Variants in MTREX observed in about 807,000 individuals in gnomAD.
MTREX encodes the protein exosome RNA helicase MTR4.
A neutral mutation model predicts 135.4 loss-of-function variants in MTREX; 76 were observed. The observed-to-expected ratio is 0.56, with a 90% confidence interval of 0.47 to 0.68. MTREX has a LOEUF of 0.68. MTREX is among the 30% of genes least tolerant of loss of function. MTREX has a pLI of 0.00. For synonymous variants in MTREX, 404 were observed against 401.6 expected, an observed-to-expected ratio of 1.01 and a Z score of -0.07; for missense variants, 920 against 1,262.1, an observed-to-expected ratio of 0.73 and a Z score of 4.11.
At chr5:55,408,224 C>A (rs1170399223) in intron 22 of MTREX, among the ~76,000 whole-genome samples, 2 of 152,198 alleles carry the variant, frequency 1.3e-5, no homozygotes, top group Non-Finnish European at 2.9e-5. Flanking sequence ...TCACCCCCAC[C>A]CCATATCCTG....
At chr5:55,361,032 G>T (rs1368837645) in intron 15 of MTREX, among the ~76,000 whole-genome samples, 1 of 152,032 alleles carries the variant, frequency 6.6e-6, no homozygotes, top group Non-Finnish European at 1.5e-5. Context: ...CTACTATATG[G>T]TACTGCTTCT....
chr5:55,363,448 A>G (rs1750048342), intron 15 of MTREX, among the ~76,000 whole-genome samples: 1 of 151,244 alleles, frequency 6.6e-6, no homozygotes. Context: ...CAAATTGGCA[A>G]AAAGGAATTC....
chr5:55,389,324 A>G (rs938473129), intron 19 of MTREX, among the ~76,000 whole-genome samples: 5 of 152,178 alleles, frequency 3.3e-5, no homozygotes, highest in Admixed American at 2.6e-4. Context: ...TCCCTTTCTC[A>G]TGGCAGACAT....
At chr5:55,365,874 C>T (rs1750095167) in intron 15 of MTREX, among the ~76,000 whole-genome samples, 1 of 151,730 alleles carries the variant, frequency 6.6e-6, no homozygotes, top group African/African-American at 2.4e-5. Context: ...TCCTGTAGTC[C>T]CAGCTACTTG....
In MTREX at chr5:55,410,813, AAGG is replaced by A. The variant is rs560334695; in HGVS notation, c.2751+187_2751+189del. Among the ~76,000 whole-genome samples, 209 of 152,346 alleles carry A rather than the reference AAGG, an allele frequency of 1.4e-3. 2 individuals are homozygous for A. The Middle Eastern group carries it at 0.024, about 17-fold the overall frequency. On this transcript the variant is annotated intron_variant, in intron 23 of 26. Transcript: ENST00000230640. ...AAATGATTAAATACGTATTATTAGA[AAGG>A]AGAATAAAATAAGATTTGTCAACAA...
chr5:55,408,271 T>A (rs1274518021), intron 22 of MTREX, among the ~76,000 whole-genome samples: 1 of 152,216 alleles, frequency 6.6e-6, no homozygotes, highest in Non-Finnish European at 1.5e-5. Flanking sequence ...CTTCGAAACT[T>A]GCTCTGAACT....
chr5:55,379,649 TCTTC>T (rs941818891), intron 18 of MTREX, among the ~76,000 whole-genome samples: 1 of 152,006 alleles, frequency 6.6e-6, no homozygotes, highest in Non-Finnish European at 1.5e-5. Flanking sequence ...GTAGCTGTGA[TCTTC>T]CTTGCAGGAG....
At chr5:55,392,803 C>A (rs1316308386) in intron 19 of MTREX, among the ~76,000 whole-genome samples, 1 of 152,118 alleles carries the variant, frequency 6.6e-6, no homozygotes, top group Non-Finnish European at 1.5e-5. Context: ...ATGTCTTACT[C>A]CCCAGCCTTT....
chr5:55,360,574 TA>T (rs1749991567), intron 15 of MTREX, among the ~76,000 whole-genome samples: 1 of 152,170 alleles, frequency 6.6e-6, no homozygotes, highest in South Asian at 2.1e-4. Context: ...CCACAAGCAT[TA>T]TATGAGGCTT....
chr5:55,310,497 A>G (rs1749094480), intron 1 of MTREX, among the ~76,000 whole-genome samples: 2 of 152,050 alleles, frequency 1.3e-5, no homozygotes, highest in Non-Finnish European at 2.9e-5. Context: ...AATCCCAGCT[A>G]GTTGGGAGGC....
chr5:55,355,359 A>AC (rs939922316), intron 14 of MTREX, among the ~76,000 whole-genome samples: 1 of 151,434 alleles, frequency 6.6e-6, no homozygotes, highest in Admixed American at 6.6e-5. Flanking sequence ...CTAATGGTGA[A>AC]CCCCCTGCCC....
At position 55,340,014 on chromosome 5, in the gene MTREX, G is replaced by T; in HGVS notation, c.520G>T (p.Ala174Ser). 6.6e-7 allele frequency: 1 copy of T among 1,514,832 alleles called. No individual in the cohort carries two copies. The highest frequency in any genetic ancestry group is 2.2e-5 in the Admixed American group (1 of 45,630). The allele number at this position is 1,514,832 out of a possible 1,614,324, so 93.8% of individuals were successfully genotyped here. ...TATTTGTTTTCACATTTGTAGGTAT[G>T]CCATTGCATTGGCCTTAAGGGAAAA... ...SAGKTVCAEY[A>S]IALALREKQR... is the part of the protein sequence containing the mutation. The change falls in exon 6 of 27, where the codon GCC becomes TCC. Residue 174 changes from alanine (A) to serine (S), a missense_variant. By Grantham distance (99) the Ala-to-Ser change is moderately conservative (BLOSUM62 1). This residue lies in a region of MTREX where 82 missense variants were observed against 107.4 expected (regional missense o/e 0.76). Transcript: ENST00000230640.
At chr5:55,340,782 C>T (rs1473595342) in intron 6 of MTREX, among the ~76,000 whole-genome samples, 13 of 152,042 alleles carry the variant, frequency 8.6e-5, no homozygotes, top group Admixed American at 7.2e-4. Context: ...GGGGTTTCAC[C>T]GTGTTAGCCA....
At chr5:55,324,284 A>T (rs1490725551) in intron 3 of MTREX, 86 bp downstream of exon 3, 14 of 872,972 alleles carry the variant, frequency 1.6e-5, no homozygotes, top group South Asian at 1.3e-4. Context: ...CAAACAGTTT[A>T]GCCATGAGGA....
Position 55,322,322 on chromosome 5 carries a change from T to G in MTREX, c.135-5T>G. The G allele has an allele frequency of 6.3e-7, 1 of 1,593,862 alleles. No individual in the cohort carries two copies. Among genetic ancestry groups the G allele is most frequent in the Non-Finnish European group, 8.5e-7 (1 of 1,172,794 alleles). On this transcript the variant is annotated splice_region_variant and splice_polypyrimidine_tract_variant and intron_variant, in intron 1 of 26. Transcript: ENST00000230640. ...AGAATTCATTCCAAACTATTTACTTTTCAGGAAACGTTTTGATGGTAAATT... is the reference window on the plus strand; with the variant it reads ...AGAATTCATTCCAAACTATTTACTTGTCAGGAAACGTTTTGATGGTAAATT...
intron 18 of MTREX, among the ~76,000 whole-genome samples, chr5:55,387,507 G>T (rs1474937821): frequency 6.6e-6 from 1 of 152,006 alleles, no homozygotes; most frequent in Non-Finnish European, 1.5e-5. Context: ...GAAGTTGTGA[G>T]ATCTTAGTAG....
At chr5:55,311,527 G>A (rs1351898890) in intron 1 of MTREX, among the ~76,000 whole-genome samples, 2 of 152,146 alleles carry the variant, frequency 1.3e-5, no homozygotes, top group East Asian at 3.9e-4. Context: ...ATTCTGTGGA[G>A]TTTCCCACAT....
intron 18 of MTREX, among the ~76,000 whole-genome samples, chr5:55,384,211 T>C (rs1750442797): frequency 6.6e-6 from 1 of 152,248 alleles, no homozygotes; most frequent in African/African-American, 2.4e-5. Context: ...TGCTCTGTTC[T>C]TGGGATTGCA....
At chr5:55,394,101 C>G (rs1033564401) in intron 19 of MTREX, among the ~76,000 whole-genome samples, 2 of 152,164 alleles carry the variant, frequency 1.3e-5, no homozygotes, top group South Asian at 2.1e-4. Context: ...TAGTGTTACT[C>G]TGTTTTGAAG....
Sources: allele counts gnomAD v4.1 joint callset (sites outside exome capture counted in the v4.1 genomes callset), GRCh38; gene constraint gnomAD v4.1.1; regional missense constraint gnomAD v4.1.1; transcripts MANE v1.5; gene names NCBI Gene and HGNC (gene_info 2026-07-23, HGNC 2026-07-21).